CNTN4: variants seen among roughly 807,000 people sequenced by gnomAD.
CNTN4 encodes contactin 4.
In CNTN4, 77 loss-of-function variants were observed where a neutral mutation model predicts 122.5. The observed-to-expected ratio is 0.63, with a 90% confidence interval of 0.52 to 0.76. CNTN4 has a LOEUF of 0.76. Among genes scored for constraint, CNTN4 ranks in the 30% least tolerant of loss-of-function variants. The pLI, the probability that CNTN4 is intolerant of heterozygous loss-of-function variation, is 0.00. For missense variants in CNTN4, 1,256 were observed against 1,259.1 expected, an observed-to-expected ratio of 1.00 and a Z score of 0.04; for synonymous variants, 512 against 447.0, an observed-to-expected ratio of 1.15 and a Z score of -1.83.
chr3:2,306,596 C>T (rs2042716192), intron 2 of CNTN4, among the ~76,000 whole-genome samples: 2 of 152,080 alleles, frequency 1.3e-5, no homozygotes, highest in South Asian at 4.2e-4. Context: ...GTTTCAGTTA[C>T]TTGGAGCGTC....
At chr3:2,916,815 C>T (rs569688544) in intron 12 of CNTN4, among the ~76,000 whole-genome samples, 20 of 150,702 alleles carry the variant, frequency 1.3e-4, no homozygotes, top group Middle Eastern at 6.8e-3. Flanking sequence ...ACGGGGCCGC[C>T]GGGTGGAGAC....
At chr3:2,489,412 C>A (rs2076251847) in intron 3 of CNTN4, among the ~76,000 whole-genome samples, 1 of 152,206 alleles carries the variant, frequency 6.6e-6, no homozygotes, top group Non-Finnish European at 1.5e-5. Context: ...AAGAAGCCCT[C>A]ACTCCCACAC....
intron 7 of CNTN4, among the ~76,000 whole-genome samples, chr3:2,865,988 T>TG (rs1215014518): frequency 6.6e-6 from 1 of 152,194 alleles, no homozygotes; most frequent in East Asian, 1.9e-4. Context: ...TCTAATTTTT[T>TG]TTAATATGGA....
intron 2 of CNTN4, among the ~76,000 whole-genome samples, chr3:2,224,067 C>T (rs2039168372): frequency 6.6e-6 from 1 of 151,848 alleles, no homozygotes; most frequent in African/African-American, 2.4e-5. Context: ...TGGAGTAGCC[C>T]TCATATAGAT....
chr3:2,748,889 C>T (rs1275359294), intron 6 of CNTN4, among the ~76,000 whole-genome samples: 1 of 152,200 alleles, frequency 6.6e-6, no homozygotes, highest in East Asian at 1.9e-4. Context: ...ACCATGGTCT[C>T]ATTTTAATTT....
chr3:2,485,097 C>A (rs894567110), intron 3 of CNTN4, among the ~76,000 whole-genome samples: 3 of 152,194 alleles, frequency 2.0e-5, no homozygotes, highest in Admixed American at 2.0e-4. Flanking sequence ...CAGTGCCGGC[C>A]GGCCAGTGCT....
At chr3:2,762,946 T>TC (rs1464684322) in intron 6 of CNTN4, among the ~76,000 whole-genome samples, 1 of 145,250 alleles carries the variant, frequency 6.9e-6, no homozygotes, top group East Asian at 2.0e-4. Flanking sequence ...GCTTTTTTTT[T>TC]TTTTTTTTTT....
At chr3:2,699,865 T>C (rs2086263793) in intron 4 of CNTN4, among the ~76,000 whole-genome samples, 1 of 152,132 alleles carries the variant, frequency 6.6e-6, no homozygotes, top group South Asian at 2.1e-4. Context: ...ATTTTAGACA[T>C]GGTTGGTATT....
At chr3:2,314,907 C>G (rs563981870) in intron 2 of CNTN4, among the ~76,000 whole-genome samples, 30 of 152,034 alleles carry the variant, frequency 2.0e-4, no homozygotes, top group African/African-American at 7.0e-4. Context: ...AATCAATGAA[C>G]TGTTCATTTA....
At chr3:2,790,298 A>C (rs9846706) in intron 6 of CNTN4, among the ~76,000 whole-genome samples, 8,338 of 152,222 alleles carry the variant, frequency 0.055, 754 homozygotes, top group African/African-American at 0.19. Flanking sequence ...GGTGAAGTGA[A>C]CTGGAGAGAG....
intron 2 of CNTN4, among the ~76,000 whole-genome samples, chr3:2,250,221 C>T (rs2040321185): frequency 6.6e-6 from 1 of 151,840 alleles, no homozygotes. Context: ...ATTACTGCTC[C>T]TTCAATTAAT....
intron 12 of CNTN4, among the ~76,000 whole-genome samples, chr3:2,916,191 C>A (rs183299055): frequency 7.0e-4 from 106 of 151,542 alleles, no homozygotes; most frequent in South Asian, 4.6e-3. Context: ...CTTTTTTTTT[C>A]TTTTTCTTTT....
At chr3:2,741,361 A>G (rs1486453335) in intron 5 of CNTN4, among the ~76,000 whole-genome samples, 2 of 152,214 alleles carry the variant, frequency 1.3e-5, no homozygotes, top group Admixed American at 1.3e-4. Context: ...ATATATTTGG[A>G]GGGTGAATGG....
rs187811965 is a variant in CNTN4 at position 2,191,307 on chromosome 3, C to A, written c.-145+90668C>A. 6.0e-5 allele frequency among the ~76,000 whole-genome samples: 9 copies of A among 150,352 alleles called. No individual in the cohort carries two copies. The East Asian group carries it at 1.6e-3, about 26-fold the overall frequency. ...CATAGAACTCAACTACCAGATTATTCTCAAGTTTACCCAAAATAATCTATT... is the reference window on the plus strand; with the variant it reads ...CATAGAACTCAACTACCAGATTATTATCAAGTTTACCCAAAATAATCTATT... On this transcript the variant is annotated intron_variant, in intron 2 of 24. Coordinates refer to ENST00000418658, the MANE Select transcript of CNTN4 (RefSeq NM_175607.3).
At chr3:2,280,893 A>G (rs922279498) in intron 2 of CNTN4, among the ~76,000 whole-genome samples, 8 of 152,196 alleles carry the variant, frequency 5.3e-5, no homozygotes, top group African/African-American at 1.7e-4. Flanking sequence ...TGCACGTCAC[A>G]CTGGCATCAA....
intron 12 of CNTN4, among the ~76,000 whole-genome samples, chr3:2,923,035 G>C (rs115291170): frequency 1.8e-3 from 270 of 152,280 alleles, no homozygotes; most frequent in Non-Finnish European, 3.1e-3. Flanking sequence ...TGAAAGGTGT[G>C]TTTTCTGGTT....
At chr3:2,596,659 G>C (rs1318039595) in intron 4 of CNTN4, among the ~76,000 whole-genome samples, 1 of 152,004 alleles carries the variant, frequency 6.6e-6, no homozygotes, top group African/African-American at 2.4e-5. Flanking sequence ...CAGATAAATG[G>C]AGAATTAGGG....
At chr3:2,539,338 T>A (rs980484817) in intron 3 of CNTN4, among the ~76,000 whole-genome samples, 1 of 152,118 alleles carries the variant, frequency 6.6e-6, no homozygotes, top group Non-Finnish European at 1.5e-5. Context: ...TCGCTGTTGA[T>A]ATGAACCTCA....
intron 7 of CNTN4, among the ~76,000 whole-genome samples, chr3:2,848,091 T>TA (rs536104597): frequency 0.012 from 1,855 of 151,790 alleles, 46 homozygotes; most frequent in African/African-American, 0.042. Flanking sequence ...CTACTAAGAA[T>TA]AAAAAAAATA....
Sources: gnomAD v4.1 joint callset for allele counts (sites outside exome capture counted in the v4.1 genomes callset) on GRCh38, gnomAD v4.1.1 for gene constraint, MANE v1.5 for transcripts, NCBI Gene and HGNC (gene_info 2026-07-23, HGNC 2026-07-21) for gene names.